Variants in ARL17B observed in about 807,000 individuals in gnomAD.
The protein encoded by ARL17B is ADP-ribosylation factor-like protein 17.
At chr17:46,304,828 G>C (rs1353723566) in intron 3 of ARL17B, among the ~76,000 whole-genome samples, 3 of 58,554 alleles carry the variant, frequency 5.1e-5, no homozygotes, top group African/African-American at 1.2e-4. Context: ...TAGGAAAACA[G>C]ACCTAAACTA....
intron 4 of ARL17B, among the ~76,000 whole-genome samples, chr17:46,283,890 A>T (rs1195641133): frequency 1.3e-5 from 2 of 152,384 alleles, no homozygotes; most frequent in Non-Finnish European, 1.5e-5. Context: ...AGGTCTCTGC[A>T]TCATAGACAA....
At position 46,275,442 on chromosome 17, in the gene ARL17B, C is replaced by G. The variant is rs904640010; in HGVS notation, c.*22-24G>C. The G allele has an allele frequency of 1.2e-5, 10 of 868,492 alleles. No individual in the cohort carries two copies. The African/African-American group carries it at 1.7e-4, about 15-fold the overall frequency. The allele number at this position is 868,492 out of a possible 1,614,324, so 53.8% of individuals were successfully genotyped here. A position where few individuals can be genotyped will look rare whatever the true frequency, so the allele number is the denominator to read the frequency against. On this transcript the variant is annotated intron_variant, in intron 4 of 4. Coordinates refer to the ARL17B transcript ENST00000570618. Reference sequence around the variant, plus strand: ...ACCTACAGAGTATAGAAAAAGGGAACAATTGAGCACCTTTCATTTTTGAAA... The same window carrying G: ...ACCTACAGAGTATAGAAAAAGGGAAGAATTGAGCACCTTTCATTTTTGAAA...
rs1348326994 is a variant in ARL17B at position 46,327,924 on chromosome 17, G to A, written c.259+24896C>T. 3.4e-5 allele frequency among the ~76,000 whole-genome samples: 2 copies of A among 59,024 alleles called. 1 individual carries two copies. Among genetic ancestry groups the A allele is most frequent in the Admixed American group, 3.8e-4 (2 of 5,246 alleles). The allele number at this position is 59,024 out of a possible 152,430, so 38.7% of individuals were successfully genotyped here. On this transcript the variant is annotated intron_variant, in intron 3 of 4. Coordinates refer to the ARL17B transcript ENST00000434041. Reference sequence around the variant, plus strand: ...TTGAATGCTCAAATTGTCCAGATTTGACCAATGCAGTCTTTGTTATTTTTT... The same window carrying A: ...TTGAATGCTCAAATTGTCCAGATTTAACCAATGCAGTCTTTGTTATTTTTT...
intron 4 of ARL17B, among the ~76,000 whole-genome samples, chr17:46,288,703 T>C (rs1314697447): frequency 8.7e-5 from 13 of 148,890 alleles, no homozygotes; most frequent in East Asian, 2.1e-4. Flanking sequence ...CATCTTGTTT[T>C]TTCTTTTTTT....
intron 4 of ARL17B, among the ~76,000 whole-genome samples, chr17:46,289,922 G>C (rs2732603): frequency 0.14 from 21,707 of 151,920 alleles, 1,896 homozygotes; most frequent in Non-Finnish European, 0.22. Context: ...GAGCTCAAGA[G>C]CAGCCTGGCC....
intron 3 of ARL17B, chr17:46,309,369 T>C (rs1456879041): frequency 1.4e-4 from 1 of 6,908 alleles, no homozygotes; most frequent in African/African-American, 3.6e-4. Flanking sequence ...GTTAAGTATG[T>C]TTATATTTTT....
chr17:46,327,304 C>T (rs2051792336), intron 3 of ARL17B, among the ~76,000 whole-genome samples: 1 of 57,486 alleles, frequency 1.7e-5, no homozygotes, highest in South Asian at 8.5e-4. Flanking sequence ...TTGCTGGCTA[C>T]AGTGGCTCCC....
At chr17:46,280,586 T>C (rs1472073614) in intron 4 of ARL17B, among the ~76,000 whole-genome samples, 2 of 148,458 alleles carry the variant, frequency 1.3e-5, no homozygotes, top group East Asian at 4.0e-4. Flanking sequence ...TTTTTTTTTT[T>C]TTTCCTGAGC....
chr17:46,275,003 C>A, exon 5 of ARL17B: 1 of 157,978 alleles, frequency 6.3e-6, no homozygotes, highest in Non-Finnish European at 1.4e-5. Context: ...AGCGATTCTC[C>A]TGCCTCAGCC....
At chr17:46,275,952 G>A (rs55843305) in intron 4 of ARL17B, among the ~76,000 whole-genome samples, 18,555 of 151,660 alleles carry the variant, frequency 0.12, no homozygotes, top group Non-Finnish European at 0.18. Flanking sequence ...GTGCAAAGGC[G>A]CGATCTTGGC....
At chr17:46,279,389 G>A (rs1216972917) in intron 4 of ARL17B, among the ~76,000 whole-genome samples, 1 of 151,262 alleles carries the variant, frequency 6.6e-6, no homozygotes, top group Non-Finnish European at 1.5e-5. Context: ...TTGCCATGTT[G>A]TCCAGGCTGG....
At chr17:46,274,513 C>T (rs922248415), downstream of ARL17B, among the ~76,000 whole-genome samples, 16 of 152,288 alleles carry the variant, frequency 1.1e-4, no homozygotes, top group Admixed American at 9.8e-4. Flanking sequence ...AAAGAAAAGA[C>T]ATCTAGAGGT....
intron 4 of ARL17B, among the ~76,000 whole-genome samples, chr17:46,291,832 G>A (rs371711539): frequency 3.3e-5 from 5 of 152,120 alleles, no homozygotes; most frequent in African/African-American, 7.2e-5. Context: ...GGCATGGCAC[G>A]CGCCTGTAGT....
chr17:46,285,482 T>C (rs976634657), intron 4 of ARL17B, among the ~76,000 whole-genome samples: 5 of 152,056 alleles, frequency 3.3e-5, no homozygotes, highest in African/African-American at 1.2e-4. Context: ...CCTCATGATT[T>C]GCCCACCTCA....
chr17:46,281,484 G>A (rs1392043973), intron 4 of ARL17B, among the ~76,000 whole-genome samples: 1 of 151,920 alleles, frequency 6.6e-6, no homozygotes, highest in East Asian at 1.9e-4. Flanking sequence ...TGAACTCCTG[G>A]GCACAAGTGA....
intron 2 of ARL17B, among the ~76,000 whole-genome samples, chr17:46,357,609 C>A (rs2144332287): frequency 5.5e-5 from 1 of 18,152 alleles, no homozygotes; most frequent in South Asian, 3.5e-3. Flanking sequence ...TGCTGGGACA[C>A]TAGCTGCGAG....
chr17:46,280,041 T>C (rs1337291484), intron 4 of ARL17B, among the ~76,000 whole-genome samples: 1 of 152,186 alleles, frequency 6.6e-6, no homozygotes. Context: ...TAATTCTCAT[T>C]GCTTTCCCTG....
intron 4 of ARL17B, among the ~76,000 whole-genome samples, chr17:46,280,685 T>C (rs2049739359): frequency 6.6e-6 from 1 of 150,910 alleles, no homozygotes; most frequent in Non-Finnish European, 1.5e-5. Flanking sequence ...GTGATTCTCA[T>C]GCCTCAGCCT....
intron 4 of ARL17B, among the ~76,000 whole-genome samples, chr17:46,286,539 A>G (rs1391599606): frequency 2.0e-5 from 3 of 152,260 alleles, no homozygotes; most frequent in East Asian, 3.8e-4. Context: ...ATTAATTTCT[A>G]TGTTACATAT....
Sources: allele counts gnomAD v4.1 joint callset (sites outside exome capture counted in the v4.1 genomes callset), GRCh38; gene constraint gnomAD v4.1.1; transcripts MANE v1.5; gene names NCBI Gene and HGNC (gene_info 2026-07-23, HGNC 2026-07-21).